The following SORCS3 variants were observed in gnomAD, a reference collection of about 807,000 sequenced individuals.
SORCS3 encodes VPS10 domain-containing receptor SorCS3.
A neutral mutation model predicts 146.3 loss-of-function variants in SORCS3; 57 were observed. The observed-to-expected ratio is 0.39, with a 90% confidence interval of 0.31 to 0.49. The LOEUF is 0.49. SORCS3 is among the 20% of genes least tolerant of loss of function. The probability of loss-of-function intolerance (pLI) is 0.92; values close to 1 mark genes in which losing one functional copy is unlikely to be tolerated. For synonymous variants in SORCS3, 653 were observed against 618.5 expected (o/e 1.06, Z -0.83); for missense variants, 1,341 against 1,575.5 (o/e 0.85, Z 2.52).
intron 8 of SORCS3, among the ~76,000 whole-genome samples, chr10:105,141,674 C>A (rs2056096201): frequency 1.3e-5 from 2 of 152,136 alleles, no homozygotes; most frequent in South Asian, 4.1e-4. Context: ...TTATTAGAAG[C>A]CATAGCCTTG....
At chr10:105,047,718 A>G (rs886156158) in intron 5 of SORCS3, among the ~76,000 whole-genome samples, 3 of 152,086 alleles carry the variant, frequency 2.0e-5, no homozygotes, top group African/African-American at 4.8e-5. Flanking sequence ...GTGTAAAGGT[A>G]GGTAGGTTGG....
Position 105,103,267 on chromosome 10 carries a change from A to G in SORCS3, c.1094-2130A>G, listed in dbSNP as rs542426153. 2.0e-5 allele frequency among the ~76,000 whole-genome samples: 3 copies of G among 151,788 alleles called. No homozygotes were observed. The East Asian group carries it at 5.8e-4, about 30-fold the overall frequency. ...TTGTGCCAGCCACCATTTATCATCTACCCCCGCTAGTTTTACTCTCATACA... is the reference window on the plus strand; with the variant it reads ...TTGTGCCAGCCACCATTTATCATCTGCCCCCGCTAGTTTTACTCTCATACA... On this transcript the variant is annotated intron_variant, in intron 6 of 26. Coordinates refer to ENST00000369701, the MANE Select transcript of SORCS3 (RefSeq NM_014978.3).
At chr10:104,815,436 C>A (rs1373292024) in intron 1 of SORCS3, among the ~76,000 whole-genome samples, 1 of 113,188 alleles carries the variant, frequency 8.8e-6, no homozygotes, top group Non-Finnish European at 1.7e-5. Context: ...GTGACAGAGC[C>A]AGACCCTGTC....
At chr10:104,997,770 C>G (rs1006561548) in intron 4 of SORCS3, among the ~76,000 whole-genome samples, 2 of 152,142 alleles carry the variant, frequency 1.3e-5, no homozygotes, top group Non-Finnish European at 2.9e-5. Context: ...CCAGAGCCTC[C>G]TTTTTCATTC....
intron 17 of SORCS3, among the ~76,000 whole-genome samples, chr10:105,212,228 G>T (rs1248007994): frequency 6.6e-6 from 1 of 152,210 alleles, no homozygotes; most frequent in African/African-American, 2.4e-5. Flanking sequence ...ACTCTGAAAT[G>T]CATGCCAACT....
chr10:105,127,761 A>G (rs974386495), intron 7 of SORCS3, among the ~76,000 whole-genome samples: 6 of 152,172 alleles, frequency 3.9e-5, no homozygotes, highest in African/African-American at 1.4e-4. Flanking sequence ...GCAAGCCACA[A>G]AAAAAGAGCC....
chr10:104,833,470 A>G (rs2018024375), intron 1 of SORCS3, among the ~76,000 whole-genome samples: 1 of 152,170 alleles, frequency 6.6e-6, no homozygotes, highest in Non-Finnish European at 1.5e-5. Flanking sequence ...CCCACAGAGC[A>G]GACACAGGGG....
At chr10:104,721,253 T>C (rs1237952202) in intron 1 of SORCS3, among the ~76,000 whole-genome samples, 2 of 152,232 alleles carry the variant, frequency 1.3e-5, no homozygotes, top group Non-Finnish European at 2.9e-5. Context: ...CCATTGCTTG[T>C]TTTTGTCAGG....
chr10:104,679,230 A>G (rs377218910), intron 1 of SORCS3, among the ~76,000 whole-genome samples: 26 of 152,300 alleles, frequency 1.7e-4, no homozygotes, highest in African/African-American at 6.3e-4. Context: ...AATTTCTTAT[A>G]AAGTAGAAAT....
chr10:104,769,382 G>A (rs1289953843), intron 1 of SORCS3, among the ~76,000 whole-genome samples: 8 of 152,228 alleles, frequency 5.3e-5, no homozygotes, highest in Admixed American at 4.6e-4. Flanking sequence ...TCTGGAAACA[G>A]TTTCAGAACC....
At chr10:105,099,475 C>T (rs2055768706) in intron 6 of SORCS3, among the ~76,000 whole-genome samples, 1 of 152,104 alleles carries the variant, frequency 6.6e-6, no homozygotes, top group South Asian at 2.1e-4. Flanking sequence ...AATCACGGGA[C>T]ACCATGTAAT....
intron 26 of SORCS3, among the ~76,000 whole-genome samples, chr10:105,262,875 T>A (rs2056970185): frequency 6.6e-6 from 1 of 152,244 alleles, no homozygotes; most frequent in South Asian, 2.1e-4. Flanking sequence ...ACTACATCTG[T>A]GACCTCTCTG....
intron 1 of SORCS3, among the ~76,000 whole-genome samples, chr10:104,645,582 A>G (rs1290366170): frequency 1.3e-5 from 2 of 152,156 alleles, no homozygotes; most frequent in African/African-American, 4.8e-5. Context: ...CTGCCCCTGC[A>G]GTGTATCTGC....
chr10:104,816,955 G>T (rs2017804597), intron 1 of SORCS3, among the ~76,000 whole-genome samples: 1 of 152,158 alleles, frequency 6.6e-6, no homozygotes. Context: ...CAAGCCTTCA[G>T]CCCGGGCACC....
chr10:105,082,619 C>T (rs904283519), intron 5 of SORCS3, among the ~76,000 whole-genome samples: 1 of 152,186 alleles, frequency 6.6e-6, no homozygotes, highest in African/African-American at 2.4e-5. Flanking sequence ...TCCTAGTTCC[C>T]TTCTTGAAGA....
At chr10:104,827,206 A>G (rs1388952108) in intron 1 of SORCS3, among the ~76,000 whole-genome samples, 1 of 152,230 alleles carries the variant, frequency 6.6e-6, no homozygotes, top group Non-Finnish European at 1.5e-5. Flanking sequence ...TGACATATGG[A>G]ATAGTGAATC....
At chr10:104,862,200 C>T (rs1036407268) in intron 2 of SORCS3, among the ~76,000 whole-genome samples, 1 of 152,044 alleles carries the variant, frequency 6.6e-6, no homozygotes, top group Non-Finnish European at 1.5e-5. Context: ...AAGAGTTAAC[C>T]GGGAGCTCAA....
intron 3 of SORCS3, among the ~76,000 whole-genome samples, chr10:104,940,503 T>A (rs2019310053): frequency 6.6e-6 from 1 of 151,078 alleles, no homozygotes; most frequent in African/African-American, 2.4e-5. Flanking sequence ...TTCGCTTTTT[T>A]TGTCCTTGTG....
chr10:105,070,655 G>A, intron 5 of SORCS3, among the ~76,000 whole-genome samples: 1 of 152,218 alleles, frequency 6.6e-6, no homozygotes, highest in East Asian at 1.9e-4. Flanking sequence ...TCCCTTGATA[G>A]TTAAATAGGA....
Sources: allele counts gnomAD v4.1 joint callset (sites outside exome capture counted in the v4.1 genomes callset), GRCh38; gene constraint gnomAD v4.1.1; transcripts MANE v1.5; gene names NCBI Gene and HGNC (gene_info 2026-07-23, HGNC 2026-07-21).